Variants in SLIT3 observed in about 807,000 individuals in gnomAD.
SLIT3 encodes the protein slit guidance ligand 3.
SLIT3 carries 68 observed loss-of-function variants against 184.0 expected under a neutral mutation model. The ratio of observed to expected loss-of-function variants is 0.37; its 90% CI spans 0.30 to 0.45. The LOEUF is 0.45. SLIT3 is among the 20% of genes least tolerant of loss of function. SLIT3 has a pLI of 1.00. For missense variants in SLIT3, 1,707 were observed against 2,026.0 expected (o/e 0.84, Z 3.02); for synonymous variants, 831 against 828.6 (o/e 1.00, Z -0.05).
At chr5:169,131,071 A>G (rs1388540233) in intron 4 of SLIT3, among the ~76,000 whole-genome samples, 2 of 152,216 alleles carry the variant, frequency 1.3e-5, no homozygotes, top group Non-Finnish European at 2.9e-5. Flanking sequence ...AGGTCATAGG[A>G]GCAAAGACCC....
At chr5:169,092,129 AG>A (rs1424577602) in intron 4 of SLIT3, among the ~76,000 whole-genome samples, 1 of 152,204 alleles carries the variant, frequency 6.6e-6, no homozygotes, top group East Asian at 1.9e-4. Flanking sequence ...AGGCTGAGGC[AG>A]GAGAATCGTT....
chr5:168,675,008 C>T (rs77565340), intron 32 of SLIT3, among the ~76,000 whole-genome samples: 2,111 of 152,252 alleles, frequency 0.014, 51 homozygotes, highest in African/African-American at 0.049. Flanking sequence ...TGAGGTCACC[C>T]AGCTAGTACA....
chr5:169,261,029 A>C (rs1296182986), intron 1 of SLIT3, among the ~76,000 whole-genome samples: 2 of 152,242 alleles, frequency 1.3e-5, no homozygotes, highest in African/African-American at 2.4e-5. Flanking sequence ...TATATAAATA[A>C]ATGAGTATGG....
intron 8 of SLIT3, among the ~76,000 whole-genome samples, chr5:168,813,356 T>C (rs1464891239): frequency 6.7e-6 from 1 of 148,864 alleles, no homozygotes; most frequent in African/African-American, 2.5e-5. Context: ...TCATGTAACA[T>C]GAACTTCTTC....
At chr5:168,882,907 T>C (rs950209659) in intron 5 of SLIT3, among the ~76,000 whole-genome samples, 1 of 152,182 alleles carries the variant, frequency 6.6e-6, no homozygotes, top group Non-Finnish European at 1.5e-5. Context: ...TTCTTCCTTT[T>C]GAACACTTTC....
At chr5:169,018,198 C>T (rs1756468018) in intron 4 of SLIT3, among the ~76,000 whole-genome samples, 1 of 152,176 alleles carries the variant, frequency 6.6e-6, no homozygotes, top group South Asian at 2.1e-4. Flanking sequence ...TGCCCCCAAA[C>T]CCACATTTTT....
intron 3 of SLIT3, among the ~76,000 whole-genome samples, chr5:169,205,013 G>A (rs12656908): frequency 0.061 from 9,268 of 152,222 alleles, 440 homozygotes; most frequent in East Asian, 0.19. Flanking sequence ...GCGTTTCCAG[G>A]CAACTATGAT....
At position 169,187,865 on chromosome 5, in the gene SLIT3, T is replaced by C. The variant is rs532371854; in HGVS notation, c.413+5614A>G. On this transcript the variant is annotated intron_variant, in intron 4 of 35. Coordinates refer to ENST00000519560, the MANE Select transcript of SLIT3 (RefSeq NM_003062.4). ...TACCGCTCCCAGCTGCAACGATAAA[T>C]TCTTAAAAAAAAAAAAAAGTTGTGA... Among the ~76,000 whole-genome samples, 105 of 122,404 alleles carry C rather than the reference T, an allele frequency of 8.6e-4. 1 individual carries two copies. Among genetic ancestry groups the C allele is most frequent in the African/African-American group, 2.6e-3 (98 of 38,164 alleles). 80.3% of individuals were successfully genotyped at this position (122,404 alleles called of 152,430 possible). A position where few individuals can be genotyped will look rare whatever the true frequency, so the allele number is the denominator to read the frequency against.
chr5:169,131,391 G>T (rs774415514), intron 4 of SLIT3, among the ~76,000 whole-genome samples: 1 of 152,178 alleles, frequency 6.6e-6, no homozygotes, highest in Non-Finnish European at 1.5e-5. Context: ...AACTCTGGGA[G>T]TGGGACCCAG....
At chr5:169,151,704 A>G (rs1179330961) in intron 4 of SLIT3, among the ~76,000 whole-genome samples, 1 of 152,252 alleles carries the variant, frequency 6.6e-6, no homozygotes, top group Non-Finnish European at 1.5e-5. Context: ...CAGAGAGCCC[A>G]GCCCTGTAAA....
At chr5:169,075,967 G>A (rs2113139552) in intron 4 of SLIT3, among the ~76,000 whole-genome samples, 1 of 152,324 alleles carries the variant, frequency 6.6e-6, no homozygotes, top group African/African-American at 2.4e-5. Context: ...TTGGGGAGGG[G>A]TGATAAGCTC....
chr5:168,787,523 G>A (rs1234130308), intron 11 of SLIT3, among the ~76,000 whole-genome samples: 1 of 152,150 alleles, frequency 6.6e-6, no homozygotes, highest in Non-Finnish European at 1.5e-5. Context: ...CTTGGGAGGT[G>A]TCTCTTTAAT....
intron 4 of SLIT3, among the ~76,000 whole-genome samples, 172 bp from the exon 5 acceptor site, chr5:168,883,508 A>G (rs1031586011): frequency 1.3e-5 from 2 of 152,322 alleles, no homozygotes; most frequent in African/African-American, 2.4e-5. Context: ...ATTGTTCTTC[A>G]AGTGATGGCC....
chr5:169,288,053 A>G (rs1767217266), intron 1 of SLIT3, among the ~76,000 whole-genome samples: 1 of 152,120 alleles, frequency 6.6e-6, no homozygotes, highest in Admixed American at 6.5e-5. Flanking sequence ...GCTGAGTTAA[A>G]CCTAAGAGAG....
At chr5:169,193,576 T>C in intron 3 of SLIT3, 26 bp from the exon 4 acceptor site, 1 of 1,564,964 alleles carries the variant, frequency 6.4e-7, no homozygotes, top group Non-Finnish European at 8.8e-7. Context: ...AATGGAAGGA[T>C]GTCAAGGGGA....
At chr5:168,746,450 CAGTGTGTGGT>C (rs1175833087) in intron 20 of SLIT3, among the ~76,000 whole-genome samples, 2,676 of 40,264 alleles carry the variant, frequency 0.066, 31 homozygotes, top group Middle Eastern at 0.14. Context: ...GTGGGTGTGG[CAGTGTGTGGT>C]GGTGTGCGGT....
At chr5:169,278,473 C>T (rs1474084354) in intron 1 of SLIT3, among the ~76,000 whole-genome samples, 1 of 152,110 alleles carries the variant, frequency 6.6e-6, no homozygotes, top group Non-Finnish European at 1.5e-5. Context: ...TGGACTTAAT[C>T]CTATTCTTCT....
At chr5:169,289,808 C>T (rs866630643) in intron 1 of SLIT3, among the ~76,000 whole-genome samples, 4 of 152,192 alleles carry the variant, frequency 2.6e-5, no homozygotes, top group Non-Finnish European at 4.4e-5. Flanking sequence ...ATTCTATGGT[C>T]AAGTCATAAA....
intron 4 of SLIT3, among the ~76,000 whole-genome samples, chr5:169,162,649 G>C (rs1211352225): frequency 6.6e-6 from 1 of 152,170 alleles, no homozygotes; most frequent in African/African-American, 2.4e-5. Flanking sequence ...CAGAGGTTTG[G>C]GGTCAAACAG....
Sources: gnomAD v4.1 joint callset for allele counts (sites outside exome capture counted in the v4.1 genomes callset) on GRCh38, gnomAD v4.1.1 for gene constraint, MANE v1.5 for transcripts, NCBI Gene and HGNC (gene_info 2026-07-23, HGNC 2026-07-21) for gene names.